FMN1: variants seen among roughly 807,000 people sequenced by gnomAD.
The protein encoded by FMN1 is formin-1.
Under a neutral mutation model 132.4 loss-of-function variants are expected in FMN1, and 110 were observed. The ratio of observed to expected loss-of-function variants is 0.83; its 90% CI spans 0.71 to 0.97. The LOEUF (loss-of-function observed/expected upper bound fraction) is 0.97. Ranked by LOEUF, FMN1 falls within the 50% of genes least tolerant of loss-of-function variation. The probability of loss-of-function intolerance (pLI) is 0.00; values close to 1 mark genes in which losing one functional copy is unlikely to be tolerated. For missense variants in FMN1, 1,792 were observed against 1,705.3 expected, an observed-to-expected ratio of 1.05 and a Z score of -0.90; for synonymous variants, 722 against 651.7, an observed-to-expected ratio of 1.11 and a Z score of -1.64.
chr15:32,792,855 G>A (rs867584928), intron 19 of FMN1, among the ~76,000 whole-genome samples: 6 of 152,176 alleles, frequency 3.9e-5, no homozygotes, highest in Non-Finnish European at 5.9e-5. Context: ...TTACCTTAAG[G>A]ACGGCAACCA....
chr15:32,873,761 C>G (rs578065851), intron 16 of FMN1, among the ~76,000 whole-genome samples: 1 of 152,220 alleles, frequency 6.6e-6, no homozygotes, highest in Admixed American at 6.5e-5. Context: ...ATTAAACTCT[C>G]TAACATCTTC....
At chr15:33,038,344 T>C (rs1460381995) in intron 6 of FMN1, among the ~76,000 whole-genome samples, 1 of 152,260 alleles carries the variant, frequency 6.6e-6, no homozygotes, top group Non-Finnish European at 1.5e-5. Context: ...AAAAATGGTG[T>C]GACCTAATTT....
chr15:33,013,506 AAGG>A (rs970143364), intron 6 of FMN1, among the ~76,000 whole-genome samples: 9 of 152,336 alleles, frequency 5.9e-5, no homozygotes, highest in African/African-American at 2.2e-4. Flanking sequence ...GTGATTGAGC[AAGG>A]AGATGTTATA....
At chr15:33,101,162 C>T (rs2039279604) in intron 4 of FMN1, among the ~76,000 whole-genome samples, 1 of 152,072 alleles carries the variant, frequency 6.6e-6, no homozygotes, top group Non-Finnish European at 1.5e-5. Flanking sequence ...GCCTTAACCA[C>T]CAAAGGATGG....
intron 4 of FMN1, among the ~76,000 whole-genome samples, chr15:33,102,997 T>C (rs1341314347): frequency 6.6e-6 from 1 of 152,138 alleles, no homozygotes; most frequent in Non-Finnish European, 1.5e-5. Context: ...GTCTTTAGGA[T>C]GCAGGAAAAG....
At chr15:32,801,502 C>T (rs1021134850) in intron 18 of FMN1, among the ~76,000 whole-genome samples, 1 of 152,102 alleles carries the variant, frequency 6.6e-6, no homozygotes, top group Non-Finnish European at 1.5e-5. Flanking sequence ...CACAGTGGCT[C>T]ACGCCTGTAA....
At chr15:32,783,784 A>AAAAAT (rs1491184174) in intron 19 of FMN1, among the ~76,000 whole-genome samples, 1 of 105,820 alleles carries the variant, frequency 9.5e-6, no homozygotes, top group African/African-American at 3.4e-5. Context: ...AAAAAAAAAA[A>AAAAAT]TAGTTGAAGT....
At chr15:32,908,289 C>T in intron 12 of FMN1, 2 of 507,934 alleles carry the variant, frequency 3.9e-6, no homozygotes, top group Non-Finnish European at 7.1e-6. Flanking sequence ...GGGTGAGACA[C>T]ACTGTATCCA....
chr15:33,187,703 T>C (rs1965934011), intron 2 of FMN1, among the ~76,000 whole-genome samples: 1 of 152,150 alleles, frequency 6.6e-6, no homozygotes, highest in African/African-American at 2.4e-5. Context: ...AAGGTCCCTC[T>C]TCCCATGCCG....
chr15:32,985,103 ATC>A (rs1176042978), intron 7 of FMN1, among the ~76,000 whole-genome samples: 1 of 151,954 alleles, frequency 6.6e-6, no homozygotes, highest in Admixed American at 6.6e-5. Flanking sequence ...GTTACTTATT[ATC>A]TTTTTATCTT....
At chr15:33,120,392 C>G (rs1962437138) in intron 4 of FMN1, among the ~76,000 whole-genome samples, 1 of 152,232 alleles carries the variant, frequency 6.6e-6, no homozygotes, top group Non-Finnish European at 1.5e-5. Context: ...CAGTTGTGCC[C>G]ATAGTGTTTA....
At chr15:33,107,757 T>C (rs923544437) in intron 4 of FMN1, among the ~76,000 whole-genome samples, 7 of 152,140 alleles carry the variant, frequency 4.6e-5, no homozygotes, top group African/African-American at 1.7e-4. Context: ...TACCTGAAAC[T>C]AAATAATGAA....
chr15:33,043,473 G>A (rs1338862092), intron 6 of FMN1, among the ~76,000 whole-genome samples: 1 of 152,204 alleles, frequency 6.6e-6, no homozygotes, highest in Non-Finnish European at 1.5e-5. Flanking sequence ...TATAACTCTT[G>A]TTCCACCATG....
At chr15:32,845,227 T>G (rs974283650) in intron 17 of FMN1, among the ~76,000 whole-genome samples, 6 of 152,148 alleles carry the variant, frequency 3.9e-5, no homozygotes, top group Admixed American at 6.5e-5. Flanking sequence ...AGGCCAATAA[T>G]TACGTGAGGC....
chr15:33,035,198 T>C (rs2036133243), intron 6 of FMN1, among the ~76,000 whole-genome samples: 1 of 152,200 alleles, frequency 6.6e-6, no homozygotes, highest in South Asian at 2.1e-4. Context: ...CCTAACATAA[T>C]TTTGAAATGG....
At chr15:33,012,132 A>T in intron 6 of FMN1, 1 of 476,724 alleles carries the variant, frequency 2.1e-6, no homozygotes, top group South Asian at 2.1e-5. Context: ...TCTGCACATC[A>T]GAGTCCCTCA....
intron 17 of FMN1, among the ~76,000 whole-genome samples, chr15:32,827,671 C>T (rs951734971): frequency 2.0e-5 from 3 of 151,642 alleles, no homozygotes; most frequent in East Asian, 2.0e-4. Context: ...TAACATCCGT[C>T]GCTACTAAAA....
chr15:33,154,203 G>A lies in FMN1; in HGVS notation c.712C>T (p.Pro238Ser), dbSNP rs1186952359. The A allele has an allele frequency of 1.3e-6, 2 of 1,536,284 alleles. No individual in the cohort carries two copies. The highest frequency in any genetic ancestry group is 2.4e-5 in the East Asian group (1 of 40,902). Residue 238 changes from proline (P) to serine (S), a missense_variant, in exon 4 of 21, where the codon CCA (proline) becomes TCA (serine). By Grantham distance (74) the Pro-to-Ser change is moderately conservative. Transcript: ENST00000616417. ...GTGTCTGGCGTCTTGGGAATATCTGGGGGGCAGCTCTCTCTCCTCTGCAGG... is the reference window on the plus strand; with the variant it reads ...GTGTCTGGCGTCTTGGGAATATCTGAGGGGCAGCTCTCTCTCCTCTGCAGG... ...CSLQRRESCP[P>S]DIPKTPDTDL...
chr15:32,957,298 CTTTTTTTTTTTTT>C (rs869111673), intron 9 of FMN1, among the ~76,000 whole-genome samples: 3 of 84,178 alleles, frequency 3.6e-5, no homozygotes, highest in East Asian at 3.7e-4. Context: ...CAGAGCAGTT[CTTTTTTTTTTTTT>C]TTTTTTTTTT....
Sources: allele counts gnomAD v4.1 joint callset (sites outside exome capture counted in the v4.1 genomes callset), GRCh38; gene constraint gnomAD v4.1.1; transcripts MANE v1.5; gene names NCBI Gene and HGNC (gene_info 2026-07-23, HGNC 2026-07-21).